POLDIP3: variants seen among roughly 807,000 people sequenced by gnomAD.
POLDIP3 encodes DNA polymerase delta interacting protein 3, also known as polymerase delta-interacting protein 3.
Under a neutral mutation model 45.1 loss-of-function variants are expected in POLDIP3, and 14 were observed. The observed-to-expected ratio is 0.31, with a 90% CI of 0.20 to 0.49. POLDIP3 has a LOEUF of 0.49. Ranked by LOEUF, POLDIP3 falls within the 20% of genes least tolerant of loss-of-function variation. POLDIP3 has a pLI of 0.99. For synonymous variants in POLDIP3, 223 were observed against 205.2 expected, an observed-to-expected ratio of 1.09 and a Z score of -0.74; for missense variants, 511 against 538.8, an observed-to-expected ratio of 0.95 and a Z score of 0.51.
At chr22:42,598,128 G>A (rs1926112403) in intron 4 of POLDIP3, among the ~76,000 whole-genome samples, 1 of 151,118 alleles carries the variant, frequency 6.6e-6, no homozygotes, top group Non-Finnish European at 1.5e-5. Flanking sequence ...TGTCGCCCAG[G>A]CTGGAGTGCA....
chr22:42,592,012 C>T lies in POLDIP3; in HGVS notation c.964G>A (p.Val322Met). The T allele has an allele frequency of 6.2e-7, 1 of 1,614,216 alleles. No individual in the cohort carries two copies. Among genetic ancestry groups the T allele is most frequent in the Non-Finnish European group, 8.5e-7 (1 of 1,180,034 alleles). ...GCGGTGATGGCATCGTCCTTTTTCA[C>T]AAACACCACCTCCGCTACCCCAGGA... ...VHPGVAEVVF[V>M]KKDDAITAYK... The change falls in exon 7 of 9, where the codon GTG (valine) becomes ATG (methionine). Residue 322 changes from valine (V) to methionine (M), a missense_variant. Physicochemically the swap from Val to Met is conservative, Grantham distance 21. Coordinates refer to ENST00000252115, the MANE Select transcript of POLDIP3 (RefSeq NM_032311.5).
intron 1 of POLDIP3, 80 bp downstream of exon 1, chr22:42,614,719 C>T: frequency 2.0e-6 from 3 of 1,507,460 alleles, no homozygotes; most frequent in Non-Finnish European, 2.8e-6. Flanking sequence ...CTCCGCGTCG[C>T]TCCCGGATCG....
chr22:42,595,459 A>T, intron 6 of POLDIP3, 78 bp downstream of exon 6: 2 of 1,328,490 alleles, frequency 1.5e-6, no homozygotes, highest in South Asian at 1.2e-5. Flanking sequence ...CAGTCATCAA[A>T]CCTGAGGGTG....
At chr22:42,614,765 A>T in intron 1 of POLDIP3, 34 bp downstream of exon 1, 1 of 1,612,006 alleles carries the variant, frequency 6.2e-7, no homozygotes, top group Non-Finnish European at 8.5e-7. Context: ...TAGGCCGAGG[A>T]CCCTAAACCC....
At chr22:42,596,598 C>A (rs909078510) in intron 4 of POLDIP3, among the ~76,000 whole-genome samples, 3 of 152,168 alleles carry the variant, frequency 2.0e-5, no homozygotes, top group African/African-American at 7.2e-5. Context: ...AGCCACTCCC[C>A]ACAGTGCTAG....
chr22:42,604,715 G>A (rs1926612296), intron 1 of POLDIP3, among the ~76,000 whole-genome samples: 1 of 152,122 alleles, frequency 6.6e-6, no homozygotes, highest in Non-Finnish European at 1.5e-5. Context: ...GAGTCTACCT[G>A]GTACCAATAA....
intron 5 of POLDIP3, 49 bp downstream of exon 5, chr22:42,596,137 C>T: frequency 1.9e-6 from 3 of 1,580,746 alleles, no homozygotes; most frequent in South Asian, 1.1e-5. Flanking sequence ...TACATATAAG[C>T]ATACAGCCCT....
intron 3 of POLDIP3, among the ~76,000 whole-genome samples, chr22:42,600,516 C>T (rs909125546): frequency 6.6e-6 from 1 of 152,026 alleles, no homozygotes; most frequent in Non-Finnish European, 1.5e-5. Context: ...GTCCCAGCTA[C>T]TCGGGAGGCT....
At chr22:42,609,768 G>A (rs1238300708) in intron 1 of POLDIP3, among the ~76,000 whole-genome samples, 2 of 152,022 alleles carry the variant, frequency 1.3e-5, no homozygotes, top group Non-Finnish European at 2.9e-5. Context: ...GTTCGTTTAG[G>A]TGTGTGTTTA....
At chr22:42,600,097 T>C (rs974927358) in intron 3 of POLDIP3, among the ~76,000 whole-genome samples, 7 of 152,176 alleles carry the variant, frequency 4.6e-5, no homozygotes, top group African/African-American at 1.7e-4. Flanking sequence ...GGAAAGTCCA[T>C]CCTTGTTAAT....
At chr22:42,608,904 T>C (rs1247334829) in intron 1 of POLDIP3, among the ~76,000 whole-genome samples, 1 of 152,214 alleles carries the variant, frequency 6.6e-6, no homozygotes, top group Non-Finnish European at 1.5e-5. Context: ...TCAACTTCTT[T>C]CGTGAACAGC....
chr22:42,598,550 C>G (rs531444067), intron 4 of POLDIP3, among the ~76,000 whole-genome samples: 25 of 152,100 alleles, frequency 1.6e-4, no homozygotes, highest in African/African-American at 4.6e-4. Context: ...CACGCCCGAA[C>G]TTTTTTGTAT....
At chr22:42,591,087 A>T (rs566768182) in intron 7 of POLDIP3, among the ~76,000 whole-genome samples, 3 of 148,016 alleles carry the variant, frequency 2.0e-5, no homozygotes, top group Non-Finnish European at 4.4e-5. Flanking sequence ...AAAAAAATAA[A>T]AAAATAATAA....
chr22:42,592,269 A>G (rs1372005492), intron 6 of POLDIP3, among the ~76,000 whole-genome samples, 185 bp from the exon 7 acceptor site: 1 of 152,230 alleles, frequency 6.6e-6, no homozygotes, highest in East Asian at 1.9e-4. Context: ...ACAGCACCAG[A>G]TGAGGTCAGC....
rs368412405 is a variant in POLDIP3 at position 42,595,570 on chromosome 22, A to G, written c.858T>C (p.Asn286=). The G allele has an allele frequency of 2.4e-5, 39 of 1,613,990 alleles. No homozygotes were observed. The highest frequency in any genetic ancestry group is 3.2e-5 in the Non-Finnish European group (38 of 1,180,000). Residue 286 remains asparagine (N), a synonymous_variant, in exon 6 of 9, where the codon AAT becomes AAC. Transcript: ENST00000252115. ...CCTCCTCAGTGACTCGAGGGTGCAG[A>G]TTATTCACAGTCATCTTGGTGCCTT... ...PLEGTKMTVN[N]LHPRVTEEDI...
intron 1 of POLDIP3, among the ~76,000 whole-genome samples, chr22:42,614,500 C>T (rs1927341613): frequency 6.6e-6 from 1 of 152,208 alleles, no homozygotes; most frequent in South Asian, 2.1e-4. Context: ...GCCGCCGAGA[C>T]CCCAGGACCC....
At chr22:42,591,289 C>T (rs1352615280) in intron 7 of POLDIP3, among the ~76,000 whole-genome samples, 1 of 152,120 alleles carries the variant, frequency 6.6e-6, no homozygotes, top group East Asian at 1.9e-4. Flanking sequence ...AAATGCAAAT[C>T]AGAACTCCAC....
At chr22:42,614,140 T>C (rs1400097037) in intron 1 of POLDIP3, among the ~76,000 whole-genome samples, 1 of 152,118 alleles carries the variant, frequency 6.6e-6, no homozygotes, top group Non-Finnish European at 1.5e-5. Flanking sequence ...GCCGCTCAGT[T>C]CTCCGTGGCC....
chr22:42,599,838 G>A, intron 3 of POLDIP3, 45 bp from the exon 4 acceptor site: 3 of 1,391,020 alleles, frequency 2.2e-6, no homozygotes, highest in Non-Finnish European at 3.0e-6. Flanking sequence ...TGGCATCTGG[G>A]CCCTCAACAG....
Sources: allele counts gnomAD v4.1 joint callset (sites outside exome capture counted in the v4.1 genomes callset), GRCh38; gene constraint gnomAD v4.1.1; transcripts MANE v1.5; gene names NCBI Gene and HGNC (gene_info 2026-07-23, HGNC 2026-07-21).